Variants in OGDH observed in about 807,000 individuals in gnomAD.
OGDH encodes the protein oxoglutarate dehydrogenase.
OGDH carries 38 observed loss-of-function variants against 116.6 expected under a neutral mutation model. The observed-to-expected ratio is 0.33, with a 90% CI of 0.25 to 0.43. The LOEUF (loss-of-function observed/expected upper bound fraction) is 0.43. Ranked by LOEUF, OGDH falls within the 20% of genes least tolerant of loss-of-function variation. The pLI is 1.00. For missense variants in OGDH, 825 were observed against 1,357.2 expected (o/e 0.61, Z 6.16); for synonymous variants, 488 against 533.3 (o/e 0.92, Z 1.17).
chr7:44,693,723 G>C, intron 10 of OGDH, 102 bp from the exon 11 acceptor site: 2 of 1,010,744 alleles, frequency 2.0e-6, no homozygotes, highest in South Asian at 3.9e-5. Flanking sequence ...ACTCAGAGTA[G>C]CCAGATGGCA....
At chr7:44,615,833 C>A (rs964139055) in intron 1 of OGDH, among the ~76,000 whole-genome samples, 8 of 152,068 alleles carry the variant, frequency 5.3e-5, no homozygotes, top group African/African-American at 1.4e-4. Flanking sequence ...TTCGAGGCCA[C>A]CCTGGCCAAC....
intron 12 of OGDH, 81 bp from the exon 13 acceptor site, chr7:44,695,944 C>A: frequency 1.3e-6 from 1 of 777,256 alleles, no homozygotes; most frequent in South Asian, 1.5e-5. Flanking sequence ...TGGTGGCTGT[C>A]AGAAAGTGTG....
At chr7:44,680,675 C>G (rs965830862) in intron 9 of OGDH, among the ~76,000 whole-genome samples, 3 of 152,174 alleles carry the variant, frequency 2.0e-5, no homozygotes, top group African/African-American at 7.2e-5. Context: ...GTGATGAGCA[C>G]ACAAATACTG....
At chr7:44,702,425 G>T (rs987167211) in intron 20 of OGDH, among the ~76,000 whole-genome samples, 6 of 152,190 alleles carry the variant, frequency 3.9e-5, no homozygotes, top group Non-Finnish European at 1.5e-5. Flanking sequence ...TATAGGGACA[G>T]TGGAGTGCAG....
Position 44,697,867 on chromosome 7 carries a change from C to T in OGDH, c.2358+85C>T. ...TGACCCCAAAGACTGGCACGAGAGCCAGTGGCTCACACCAGCCTCCTAAGG... is the reference window on the plus strand; with the variant it reads ...TGACCCCAAAGACTGGCACGAGAGCTAGTGGCTCACACCAGCCTCCTAAGG... On this transcript the variant is annotated intron_variant, in intron 17 of 22. Coordinates refer to ENST00000222673, the MANE Select transcript of OGDH (RefSeq NM_002541.4). The surrounding 1 kb of genome is among the most constrained non-coding windows in gnomAD (Gnocchi z 6.0). 4.1e-6 allele frequency: 6 copies of T among 1,453,222 alleles called. No homozygotes were observed. Among genetic ancestry groups the T allele is most frequent in the Admixed American group, 2.3e-5 (1 of 43,026 alleles). 90.0% of individuals were successfully genotyped at this position (1,453,222 alleles called of 1,614,324 possible).
chr7:44,689,208 CTT>C (rs367897508), intron 10 of OGDH, among the ~76,000 whole-genome samples: 214 of 101,308 alleles, frequency 2.1e-3, no homozygotes, highest in African/African-American at 8.4e-3. Context: ...ATCAGGGTTC[CTT>C]TTTTTTTTTT....
intron 2 of OGDH, among the ~76,000 whole-genome samples, chr7:44,644,708 A>G (rs1223825883): frequency 1.3e-5 from 2 of 152,198 alleles, no homozygotes; most frequent in African/African-American, 4.8e-5. Flanking sequence ...TAGCAATGAT[A>G]TTATTTCTCT....
At chr7:44,699,425 C>CAAAAAAAAAA in intron 18 of OGDH, among the ~76,000 whole-genome samples, 1 of 67,718 alleles carries the variant, frequency 1.5e-5, no homozygotes, top group Non-Finnish European at 3.4e-5. Context: ...ACTCCTGTCT[C>CAAAAAAAAAA]AAAAAAAAAA....
At chr7:44,616,354 G>A (rs1784767437) in intron 1 of OGDH, among the ~76,000 whole-genome samples, 1 of 152,212 alleles carries the variant, frequency 6.6e-6, no homozygotes, top group Middle Eastern at 3.4e-3. Flanking sequence ...CTCAGGGAAA[G>A]GGCAGAACAG....
At chr7:44,642,033 A>G (rs1201565027) in intron 2 of OGDH, among the ~76,000 whole-genome samples, 1 of 152,200 alleles carries the variant, frequency 6.6e-6, no homozygotes, top group Non-Finnish European at 1.5e-5. Flanking sequence ...AGTTTTCATG[A>G]GAACCGATTT....
At chr7:44,633,421 C>T (rs987842054) in intron 2 of OGDH, among the ~76,000 whole-genome samples, 4 of 152,150 alleles carry the variant, frequency 2.6e-5, no homozygotes, top group African/African-American at 9.7e-5. Flanking sequence ...TCAGCTTCCC[C>T]GCACAGTCTG....
chr7:44,690,645 T>A (rs1171869618), intron 10 of OGDH, among the ~76,000 whole-genome samples: 1 of 152,194 alleles, frequency 6.6e-6, no homozygotes, highest in Non-Finnish European at 1.5e-5. Flanking sequence ...TCCACCCAAG[T>A]AGATAATCCT....
At chr7:44,681,883 A>G (rs1479974505) in intron 10 of OGDH, 35 bp downstream of exon 10, 1 of 1,611,788 alleles carries the variant, frequency 6.2e-7, no homozygotes, top group Non-Finnish European at 8.5e-7. Context: ...TGCTGCTCAC[A>G]TCAGTCTTAC....
chr7:44,645,244 G>A, intron 2 of OGDH, 83 bp from the exon 3 acceptor site: 1 of 1,290,150 alleles, frequency 7.8e-7, no homozygotes, highest in Non-Finnish European at 1.1e-6. Flanking sequence ...TGCCTTGCCT[G>A]CAGAGAGCAG....
Position 44,697,769 on chromosome 7 carries a change from G to A in OGDH, c.2345G>A (p.Gly782Asp), listed in dbSNP as rs1788650011. Residue 782 changes from glycine to aspartate, a missense_variant, in exon 17 of 23, where the codon GGC becomes GAC. Physicochemically the swap from Gly to Asp is moderately conservative, Grantham distance 94. Transcript: ENST00000222673. The surrounding 1 kb of genome is among the most constrained non-coding windows in gnomAD (Gnocchi z 6.0). ...QNGIVLLLPH[G>D]MEGMGPEHSS... ...GGCATCGTGTTGCTGCTGCCCCATG[G>A]CATGGAGGGCATGGTGAGCCTCTGG... 1.2e-6 allele frequency: 2 copies of A among 1,613,498 alleles called. No individual in the cohort carries two copies. Among genetic ancestry groups the A allele is most frequent in the African/African-American group, 2.7e-5 (2 of 74,940 alleles).
Position 44,645,351 on chromosome 7 carries a change from AC to A in OGDH, c.248del (p.Thr83ArgfsTer17), listed in dbSNP as rs1174724950. ...HKSWDIFFRN[T>X]NAGAPPGTAY... The stretch of plus-strand genomic sequence containing the variant: ...GTCATGGGACATTTTTTTTCGCAAC[AC>A]GAATGCCGGAGCCCCACCGGGCACT... On this transcript the variant is annotated frameshift_variant, in exon 3 of 23. Transcript: ENST00000222673. LOFTEE classifies it high-confidence loss of function. The A allele has an allele frequency of 6.2e-7, 1 of 1,612,356 alleles. No homozygotes were observed. Among genetic ancestry groups the A allele is most frequent in the Admixed American group, 1.7e-5 (1 of 59,370 alleles).
chr7:44,628,245 T>C (rs974181820), intron 2 of OGDH, among the ~76,000 whole-genome samples: 5 of 152,214 alleles, frequency 3.3e-5, no homozygotes, highest in African/African-American at 1.2e-4. Flanking sequence ...AGTAATTGTT[T>C]TCATAACCAC....
At chr7:44,677,851 G>A (rs990199459) in intron 9 of OGDH, among the ~76,000 whole-genome samples, 1 of 150,974 alleles carries the variant, frequency 6.6e-6, no homozygotes, top group Non-Finnish European at 1.5e-5. Context: ...TCCAGCCTGG[G>A]TGACAGAGGG....
chr7:44,665,409 G>A lies in OGDH; in HGVS notation c.518-1327G>A, dbSNP rs151138028. ...CAAAACAAACAAAAAAAACCTCTCC[G>A]AAAGCATTAGATAAATAAAGGCTGT... On this transcript the variant is annotated intron_variant, in intron 4 of 22. Coordinates refer to ENST00000222673, the MANE Select transcript of OGDH (RefSeq NM_002541.4). Among the ~76,000 whole-genome samples, 376 of 151,856 alleles carry A rather than the reference G, an allele frequency of 2.5e-3. 1 individual carries two copies. Among genetic ancestry groups the A allele is most frequent in the African/African-American group, 8.7e-3 (361 of 41,380 alleles).
Sources: gnomAD v4.1 joint callset for allele counts (sites outside exome capture counted in the v4.1 genomes callset) on GRCh38, gnomAD v4.1.1 for gene constraint, Gnocchi (gnomAD v3.1) non-coding constraint, MANE v1.5 for transcripts, NCBI Gene and HGNC (gene_info 2026-07-23, HGNC 2026-07-21) for gene names.